Variants in NSUN7 observed in about 807,000 individuals in gnomAD.
The protein encoded by NSUN7 is protein NSUN7.
Under a neutral mutation model 58.5 loss-of-function variants are expected in NSUN7, and 39 were observed. That is an observed-to-expected ratio of 0.67 (90% CI 0.52 to 0.87). The LOEUF is 0.87. Ranked by LOEUF, NSUN7 falls within the 40% of genes least tolerant of loss-of-function variation. The probability of loss-of-function intolerance (pLI) is 0.00; values close to 1 mark genes in which losing one functional copy is unlikely to be tolerated. For missense variants in NSUN7, 765 were observed against 844.1 expected (o/e 0.91, Z 1.16); for synonymous variants, 278 against 303.7 (o/e 0.92, Z 0.88).
intron 9 of NSUN7, among the ~76,000 whole-genome samples, chr4:40,797,759 T>TG (rs1230342174): frequency 3.9e-5 from 6 of 152,196 alleles, no homozygotes; most frequent in African/African-American, 1.4e-4. Flanking sequence ...ATTGGAGTGA[T>TG]CTTGTTAAAA....
chr4:40,782,668 G>A (rs1030521336), intron 7 of NSUN7, among the ~76,000 whole-genome samples: 10 of 151,894 alleles, frequency 6.6e-5, no homozygotes, highest in Non-Finnish European at 1.3e-4. Context: ...CCAGGAGTTC[G>A]AGACCAATCT....
chr4:40,764,065 A>C (rs1321791065), intron 4 of NSUN7, among the ~76,000 whole-genome samples: 1 of 151,380 alleles, frequency 6.6e-6, no homozygotes, highest in African/African-American at 2.4e-5. Flanking sequence ...TTAATTTTTT[A>C]ATTTTTTAAT....
At chr4:40,803,746 A>C (rs919029057) in intron 10 of NSUN7, among the ~76,000 whole-genome samples, 1 of 152,230 alleles carries the variant, frequency 6.6e-6, no homozygotes, top group Non-Finnish European at 1.5e-5. Context: ...GTATATGATA[A>C]GAGTTAGGAG....
intron 7 of NSUN7, among the ~76,000 whole-genome samples, chr4:40,780,800 TATATATATATATA>T (rs1560555615): frequency 1.2e-4 from 9 of 78,228 alleles, no homozygotes; most frequent in African/African-American, 2.8e-4. Flanking sequence ...CACATATATA[TATATATATATATA>T]TTTTTTTTTT....
chr4:40,798,405 A>C (rs1211580016), intron 9 of NSUN7, among the ~76,000 whole-genome samples: 1 of 152,246 alleles, frequency 6.6e-6, no homozygotes, highest in Non-Finnish European at 1.5e-5. Flanking sequence ...AAGTGACAGA[A>C]CTGGGATTCA....
intron 7 of NSUN7, among the ~76,000 whole-genome samples, chr4:40,776,707 C>G (rs1234611460): frequency 2.0e-5 from 3 of 152,126 alleles, no homozygotes; most frequent in African/African-American, 4.8e-5. Context: ...CCTCTACCTC[C>G]TGGGCTCAAG....
In NSUN7 at chr4:40,774,809, T is replaced by TA; in HGVS notation, c.687dup (p.Val230SerfsTer8). 2 of 1,557,474 alleles carry TA rather than the reference T, an allele frequency of 1.3e-6. No individual in the cohort carries two copies. Among genetic ancestry groups the TA allele is most frequent in the Middle Eastern group, 1.7e-4 (1 of 5,916 alleles). On this transcript the variant is annotated frameshift_variant, in exon 6 of 12. Coordinates refer to ENST00000381782, the MANE Select transcript of NSUN7 (RefSeq NM_024677.6). LOFTEE classifies it high-confidence loss of function. ...ATAATTTGAAGAGAAGAGGCTATAATAAAGTCAAATCTGTATTGCATATTG... is the reference window on the plus strand; with the variant it reads ...ATAATTTGAAGAGAAGAGGCTATAATAAAAGTCAAATCTGTATTGCATATTG...
chr4:40,762,144 A>G (rs1384901473), intron 4 of NSUN7, among the ~76,000 whole-genome samples: 1 of 152,166 alleles, frequency 6.6e-6, no homozygotes, highest in Non-Finnish European at 1.5e-5. Context: ...GCCCTCACCA[A>G]ATGCCAGCAC....
intron 4 of NSUN7, among the ~76,000 whole-genome samples, chr4:40,771,853 CTG>C (rs1473115090): frequency 6.6e-6 from 1 of 151,330 alleles, no homozygotes; most frequent in African/African-American, 2.4e-5. Flanking sequence ...AACATACAAA[CTG>C]TAGCAGAAAA....
chr4:40,785,015 A>G (rs924292167), intron 7 of NSUN7, among the ~76,000 whole-genome samples: 4 of 152,156 alleles, frequency 2.6e-5, no homozygotes, highest in African/African-American at 9.7e-5. Context: ...AGTGACTTTC[A>G]AAGGACTGAA....
Position 40,808,882 on chromosome 4 carries a change from A to G in NSUN7, c.2100A>G (p.Glu700=), listed in dbSNP as rs759219056. ...CACACTCACTATCCAGAAAAGAGGA[A>G]AAGCCTAAAGATGACACACCTTCCT... ...LPTHSLSRKE[E]KPKDDTPSSL... is the part of the protein sequence containing the mutation. The change falls in exon 12 of 12, where the codon GAA becomes GAG. Residue 700 remains glutamate, a synonymous_variant. Transcript: ENST00000381782. 3 of 1,545,756 alleles carry G rather than the reference A, an allele frequency of 1.9e-6. No homozygotes were observed. The South Asian group carries it at 3.6e-5, about 18-fold the overall frequency.
chr4:40,803,731 C>A (rs1166868988), intron 10 of NSUN7, among the ~76,000 whole-genome samples: 1 of 152,190 alleles, frequency 6.6e-6, no homozygotes, highest in South Asian at 2.1e-4. Context: ...TCACCATTAA[C>A]TTTTGTATAT....
chr4:40,783,705 G>T (rs933234942), intron 7 of NSUN7, among the ~76,000 whole-genome samples: 1 of 151,988 alleles, frequency 6.6e-6, no homozygotes, highest in African/African-American at 2.4e-5. Context: ...AAAATTAGCC[G>T]GGAATGGTGG....
intron 9 of NSUN7, among the ~76,000 whole-genome samples, chr4:40,796,094 G>A (rs965173061): frequency 5.3e-4 from 81 of 152,258 alleles, no homozygotes; most frequent in African/African-American, 1.8e-3. Context: ...GGAGCCAGGC[G>A]TGGTGGCTCA....
intron 4 of NSUN7, 152 bp from the exon 5 acceptor site, chr4:40,774,113 C>G: frequency 1.3e-6 from 1 of 758,616 alleles, no homozygotes; most frequent in Non-Finnish European, 2.1e-6. Context: ...TTTCTATTTA[C>G]AAATATGACA....
chr4:40,801,915 AAAAAG>A (rs1560564979), intron 10 of NSUN7, among the ~76,000 whole-genome samples: 1 of 150,338 alleles, frequency 6.7e-6, no homozygotes, highest in African/African-American at 2.4e-5. Context: ...AAAAAAAAAA[AAAAAG>A]AAAAGAAAAG....
intron 4 of NSUN7, chr4:40,773,227 A>G (rs1742096753): frequency 6.6e-6 from 1 of 152,214 alleles, no homozygotes; most frequent in African/African-American, 2.4e-5. Context: ...TAATCACTAC[A>G]TTAATAACAA....
At position 40,754,209 on chromosome 4, in the gene NSUN7, G is replaced by A. The variant is rs189003232; in HGVS notation, c.298+3218G>A. On this transcript the variant is annotated intron_variant, in intron 2 of 11. Transcript: ENST00000381782. The stretch of plus-strand genomic sequence containing the variant: ...CCCACGCTGGAGTGCAGTCAATCGC[G>A]CAATCTCGGTTCACTGCAACCTCTG... Among the ~76,000 whole-genome samples the A allele has an allele frequency of 1.6e-4, 24 of 149,766 alleles. No individual in the cohort carries two copies. In the East Asian group the frequency reaches 2.9e-3, roughly 18 times the overall value.
In NSUN7 at chr4:40,750,726, G is replaced by C. The variant is rs1183614547; in HGVS notation, c.33G>C (p.Ser11=). 2 of 1,613,730 alleles carry C rather than the reference G, an allele frequency of 1.2e-6. No individual in the cohort carries two copies. ...ATTCCACGGGCGAACTGGAGTTTTC[G>C]AACGAAGAAGATCCCGAGATCATCT... The part of the protein sequence containing the change: MLNSTGELEF[S]NEEDPEIISQ... Residue 11 remains serine (S), a synonymous_variant, in exon 2 of 12, where the codon TCG becomes TCC. Transcript: ENST00000381782.
Sources: gnomAD v4.1 joint callset for allele counts (sites outside exome capture counted in the v4.1 genomes callset) on GRCh38, gnomAD v4.1.1 for gene constraint, MANE v1.5 for transcripts, NCBI Gene and HGNC (gene_info 2026-07-23, HGNC 2026-07-21) for gene names.